The following IQSEC1 variants were observed in gnomAD, a reference collection of about 807,000 sequenced individuals.
IQSEC1 encodes IQ motif and Sec7 domain ArfGEF 1.
Under a neutral mutation model 91.0 loss-of-function variants are expected in IQSEC1, and 31 were observed. That is an observed-to-expected ratio of 0.34 (90% CI 0.26 to 0.46). IQSEC1 has a LOEUF of 0.46. IQSEC1 is among the 20% of genes least tolerant of loss of function. IQSEC1 has a pLI of 1.00. For synonymous variants in IQSEC1, 699 were observed against 662.6 expected (o/e 1.05, Z -0.84); for missense variants, 1,388 against 1,575.6 (o/e 0.88, Z 2.02).
chr3:13,053,056 TG>T, intron 1 of IQSEC1: 1 of 1,091,370 alleles, frequency 9.2e-7, no homozygotes, highest in Non-Finnish European at 1.4e-6. Context: ...CACGGGGGAA[TG>T]GGACGATTTT....
chr3:12,952,109 A>G (rs1303092819), intron 1 of IQSEC1, among the ~76,000 whole-genome samples: 5 of 152,128 alleles, frequency 3.3e-5, no homozygotes. Context: ...GCGTGGCGGG[A>G]GAAGGTGGGG....
rs777905440 is a variant in IQSEC1 at position 12,899,187 on chromosome 3, G to A, written c.*1796C>T. The stretch of plus-strand genomic sequence containing the variant: ...TGGGAGGGATGTGAGGAGGGAAATC[G>A]GCAAAACCCTGGCCAGCCAGCCAGC... On this transcript the variant is annotated 3_prime_UTR_variant, in exon 14 of 14. Transcript: ENST00000613206. The A allele has an allele frequency of 3.8e-5, 23 of 600,172 alleles. No homozygotes were observed. The highest frequency in any genetic ancestry group is 2.2e-4 in the African/African-American group (12 of 53,680). The allele number at this position is 600,172 out of a possible 1,614,324, so 37.2% of individuals were successfully genotyped here. A position where few individuals can be genotyped will look rare whatever the true frequency, so the allele number is the denominator to read the frequency against.
chr3:13,015,514 A>C, intron 1 of IQSEC1: 2 of 971,802 alleles, frequency 2.1e-6, no homozygotes, highest in Non-Finnish European at 2.4e-6. Flanking sequence ...GACAGTCGCC[A>C]GCCCCTCACA....
chr3:13,283,076 G>T (rs1695829313), exon 1 of IQSEC1, among the ~76,000 whole-genome samples: 2 of 144,546 alleles, frequency 1.4e-5, no homozygotes, highest in South Asian at 4.2e-4. Context: ...CGGCGGCTCG[G>T]CGCGGCGCGG....
At chr3:13,249,728 G>A (rs79457437) in intron 1 of IQSEC1, among the ~76,000 whole-genome samples, 7,615 of 152,224 alleles carry the variant, frequency 0.05, 218 homozygotes, top group Middle Eastern at 0.1. Context: ...CGGGGTCAAG[G>A]GGAGCGTAAG....
At chr3:13,234,486 A>G (rs1339324317) in intron 1 of IQSEC1, among the ~76,000 whole-genome samples, 15 of 151,692 alleles carry the variant, frequency 9.9e-5, no homozygotes, top group Admixed American at 9.8e-4. Context: ...CCCCTGGGAG[A>G]CCCCCTCCCT....
intron 2 of IQSEC1, among the ~76,000 whole-genome samples, chr3:13,089,190 A>C (rs1405167600): frequency 6.6e-6 from 1 of 152,254 alleles, no homozygotes. Flanking sequence ...CTATAAAACC[A>C]CACAGCCCTA....
intron 2 of IQSEC1, among the ~76,000 whole-genome samples, chr3:13,111,235 C>T (rs757368142): frequency 4.6e-5 from 7 of 152,220 alleles, no homozygotes; most frequent in Non-Finnish European, 1.0e-4. Flanking sequence ...CAGGGCTCAC[C>T]ACACCCCACT....
At chr3:13,254,041 C>T (rs1486365521) in intron 1 of IQSEC1, among the ~76,000 whole-genome samples, 2 of 152,244 alleles carry the variant, frequency 1.3e-5, no homozygotes, top group Non-Finnish European at 2.9e-5. Context: ...CAAGCCCTGC[C>T]TCCACTGTCG....
intron 12 of IQSEC1, among the ~76,000 whole-genome samples, chr3:12,907,587 C>G (rs1279030017): frequency 1.3e-5 from 2 of 152,134 alleles, no homozygotes; most frequent in Non-Finnish European, 2.9e-5. Flanking sequence ...CGAGCCGGCA[C>G]CCACCGGTCG....
intron 12 of IQSEC1, among the ~76,000 whole-genome samples, chr3:12,905,306 C>A (rs1468739987): frequency 6.6e-6 from 1 of 152,266 alleles, no homozygotes. Flanking sequence ...AGAGTCAGGG[C>A]AGGGCGTAAC....
chr3:13,030,921 C>G lies in IQSEC1; in HGVS notation c.23+42071G>C, dbSNP rs560921538. Among the ~76,000 whole-genome samples, 10 of 152,368 alleles carry G rather than the reference C, an allele frequency of 6.6e-5. No individual in the cohort carries two copies. The South Asian group carries it at 2.1e-3, about 32-fold the overall frequency. On this transcript the variant is annotated intron_variant, in intron 1 of 13. Transcript: ENST00000613206. ...TATCTCCACTTCCACGCATGTTTCA[C>G]ACTTTCAACAATAAGAAGCTAAAAG...
rs1576072274 is a variant in IQSEC1, at chr3:12,967,583, G to A, written c.24-25718C>T. On this transcript the variant is annotated intron_variant, in intron 1 of 13. Coordinates refer to ENST00000613206, the MANE Select transcript of IQSEC1 (RefSeq NM_001134382.3). This position sits in a 1 kb window ranked among gnomAD's most constrained non-coding sequence, Gnocchi z 5.9. ...ACCCGGAGACCCGACCACCCGCCAC[G>A]CGATCACGTCGGGGCTCCTGGTCCA... 1.5e-6 allele frequency: 2 copies of A among 1,321,702 alleles called. No individual in the cohort carries two copies. The highest frequency in any genetic ancestry group is 1.9e-6 in the Non-Finnish European group (2 of 1,042,438). 81.9% of individuals were successfully genotyped at this position (1,321,702 alleles called of 1,614,324 possible).
At chr3:13,071,928 C>G (rs1705446247) in intron 1 of IQSEC1, among the ~76,000 whole-genome samples, 1 of 152,262 alleles carries the variant, frequency 6.6e-6, no homozygotes, top group Non-Finnish European at 1.5e-5. Flanking sequence ...GCAGCAGAGG[C>G]AGAGGTGTGT....
Position 12,967,555 on chromosome 3 carries a change from GCCACCCGGAGACCCGA to G in IQSEC1, c.24-25706_24-25691del, listed in dbSNP as rs1164164861. 1.4e-4 allele frequency: 184 copies of G among 1,359,652 alleles called. No homozygotes were observed. Among genetic ancestry groups the G allele is most frequent in the Non-Finnish European group, 1.7e-4 (177 of 1,065,202 alleles). 84.2% of individuals were successfully genotyped at this position (1,359,652 alleles called of 1,614,324 possible). ...CGCCGGATCCCGGGGCCGACACCCG[GCCACCCGGAGACCCGA>G]CCACCCGCCACGCGATCACGTCGGG... is the stretch of plus-strand genomic sequence containing the variant. On this transcript the variant is annotated intron_variant, in intron 1 of 13. Transcript: ENST00000613206. The surrounding 1 kb of genome is among the most constrained non-coding windows in gnomAD (Gnocchi z 5.9).
chr3:13,134,952 A>AG (rs1274940223), intron 2 of IQSEC1, among the ~76,000 whole-genome samples: 3 of 152,106 alleles, frequency 2.0e-5, no homozygotes. Context: ...ACACTCTGCA[A>AG]GGGGGATCAC....
chr3:12,899,163 G>A lies in IQSEC1; in HGVS notation c.*1820C>T, dbSNP rs1693953640. Reference sequence around the variant, plus strand: ...TGATCTCAATGATATGACCGAGGGTGGGAGGGATGTGAGGAGGGAAATCGG... The same window carrying A: ...TGATCTCAATGATATGACCGAGGGTAGGAGGGATGTGAGGAGGGAAATCGG... On this transcript the variant is annotated 3_prime_UTR_variant, in exon 14 of 14. Transcript: ENST00000613206. The A allele has an allele frequency of 1.7e-6, 1 of 581,494 alleles. No individual in the cohort carries two copies. The highest frequency in any genetic ancestry group is 3.1e-6 in the Non-Finnish European group (1 of 323,386). 36.0% of individuals were successfully genotyped at this position (581,494 alleles called of 1,614,324 possible). A position where few individuals can be genotyped will look rare whatever the true frequency, so the allele number is the denominator to read the frequency against.
chr3:13,005,202 G>A (rs1452966601), intron 1 of IQSEC1, among the ~76,000 whole-genome samples: 1 of 152,152 alleles, frequency 6.6e-6, no homozygotes, highest in Non-Finnish European at 1.5e-5. Flanking sequence ...AATTTCTGAT[G>A]ATAAACAGGT....
intron 1 of IQSEC1, among the ~76,000 whole-genome samples, chr3:13,261,532 C>A (rs1182963088): frequency 6.6e-6 from 1 of 152,152 alleles, no homozygotes; most frequent in East Asian, 1.9e-4. Flanking sequence ...CAACCCCAGA[C>A]AGCGAGCAAA....
Sources: gnomAD v4.1 joint callset for allele counts (sites outside exome capture counted in the v4.1 genomes callset) on GRCh38, gnomAD v4.1.1 for gene constraint, Gnocchi (gnomAD v3.1) non-coding constraint, MANE v1.5 for transcripts, NCBI Gene and HGNC (gene_info 2026-07-23, HGNC 2026-07-21) for gene names.